SYNE1: variants seen among roughly 807,000 people sequenced by gnomAD.
SYNE1 encodes spectrin repeat containing nuclear envelope protein 1.
A neutral mutation model predicts 1,111.0 loss-of-function variants in SYNE1; 616 were observed. That is an observed-to-expected ratio of 0.55 (90% CI 0.52 to 0.59). The LOEUF is 0.59. SYNE1 is among the 20% of genes least tolerant of loss of function. SYNE1 has a pLI of 0.00. For synonymous variants in SYNE1, 3,855 were observed against 3,825.8 expected (o/e 1.01, Z -0.28); for missense variants, 10,006 against 10,417.0 (o/e 0.96, Z 1.72).
chr6:152,370,805 A>C (rs1468617857), intron 59 of SYNE1, among the ~76,000 whole-genome samples: 1 of 152,230 alleles, frequency 6.6e-6, no homozygotes, highest in African/African-American at 2.4e-5. Flanking sequence ...TTATGAGAGA[A>C]TAGTTCAAGG....
intron 128 of SYNE1, among the ~76,000 whole-genome samples, chr6:152,180,857 A>T (rs997916686): frequency 1.3e-5 from 2 of 152,096 alleles, no homozygotes; most frequent in Non-Finnish European, 2.9e-5. Context: ...CTCCATACTG[A>T]CACGTGGACT....
chr6:152,506,908 A>T (rs1246008356), intron 8 of SYNE1, among the ~76,000 whole-genome samples: 2 of 152,122 alleles, frequency 1.3e-5, no homozygotes, highest in Non-Finnish European at 2.9e-5. Flanking sequence ...ACAACTTATC[A>T]TTCACTTTAA....
At chr6:152,319,147 T>C (rs2095809628) in intron 84 of SYNE1, 132 bp from the exon 85 acceptor site, 6 of 1,288,212 alleles carry the variant, frequency 4.7e-6, no homozygotes, top group African/African-American at 1.5e-5. Flanking sequence ...ACACCAGCGA[T>C]GTGCGATTAG....
chr6:152,616,001 GT>G (rs1367495189), intron 3 of SYNE1, among the ~76,000 whole-genome samples: 2 of 152,160 alleles, frequency 1.3e-5, no homozygotes, highest in African/African-American at 4.8e-5. Flanking sequence ...TAGCATGAAT[GT>G]ATCCAGAAAT....
At chr6:152,450,487 C>G (rs1382592766) in intron 27 of SYNE1, 138 bp downstream of exon 27, 1 of 926,592 alleles carries the variant, frequency 1.1e-6, no homozygotes, top group Admixed American at 1.7e-5. Flanking sequence ...AAATCCATTC[C>G]TTTTATTAAA....
At chr6:152,198,373 T>C (rs2153333594) in intron 127 of SYNE1, among the ~76,000 whole-genome samples, 1 of 152,210 alleles carries the variant, frequency 6.6e-6, no homozygotes, top group East Asian at 1.9e-4. Context: ...GATCTTTTAT[T>C]CAGACCACTC....
chr6:152,548,895 T>C (rs568632123), intron 3 of SYNE1, among the ~76,000 whole-genome samples: 18 of 152,226 alleles, frequency 1.2e-4, no homozygotes, highest in Non-Finnish European at 2.5e-4. Context: ...CTTTATGTCA[T>C]CTGATTCTAG....
intron 59 of SYNE1, among the ~76,000 whole-genome samples, chr6:152,372,539 T>C (rs937386073): frequency 3.3e-5 from 5 of 152,244 alleles, no homozygotes; most frequent in African/African-American, 1.2e-4. Flanking sequence ...AATTATTTTA[T>C]GGTTATAATA....
intron 137 of SYNE1, chr6:152,144,961 T>C (rs541307373): frequency 1.8e-5 from 3 of 167,160 alleles, no homozygotes; most frequent in Non-Finnish European, 4.0e-5. Context: ...TTACGACCTC[T>C]TAAATTAAAA....
chr6:152,154,130 C>T (rs933316796), intron 133 of SYNE1, among the ~76,000 whole-genome samples: 1 of 152,112 alleles, frequency 6.6e-6, no homozygotes, highest in Non-Finnish European at 1.5e-5. Context: ...AAGGGAAAAA[C>T]ACCTTCAAAT....
chr6:152,490,902 C>T (rs1010489282), intron 11 of SYNE1, among the ~76,000 whole-genome samples: 1 of 152,198 alleles, frequency 6.6e-6, no homozygotes, highest in Non-Finnish European at 1.5e-5. Context: ...TCTTTTCACT[C>T]TCTTCTCCAG....
chr6:152,514,730 C>T (rs1324969204), intron 6 of SYNE1, among the ~76,000 whole-genome samples: 1 of 151,574 alleles, frequency 6.6e-6, no homozygotes, highest in East Asian at 1.9e-4. Context: ...AAATGTCATG[C>T]AAGGACGCAA....
intron 25 of SYNE1, among the ~76,000 whole-genome samples, chr6:152,451,751 G>T (rs1407458025): frequency 6.6e-6 from 1 of 151,906 alleles, no homozygotes; most frequent in Non-Finnish European, 1.5e-5. Flanking sequence ...AAAGTGCTGG[G>T]ATTATAGGCG....
At chr6:152,605,006 AAGAGAGAGAG>A (rs1166561188) in intron 3 of SYNE1, among the ~76,000 whole-genome samples, 3 of 25,590 alleles carry the variant, frequency 1.2e-4, no homozygotes, top group African/African-American at 3.8e-4. Context: ...GAAAGAAAGA[AAGAGAGAGAG>A]AGAGAGAGAG....
At chr6:152,173,412 G>A (rs545087978) in intron 130 of SYNE1, among the ~76,000 whole-genome samples, 72 of 152,320 alleles carry the variant, frequency 4.7e-4, no homozygotes, top group African/African-American at 1.6e-3. Flanking sequence ...ATACAGGACA[G>A]AAATGTCGAA....
chr6:152,442,126 G>A lies in SYNE1; in HGVS notation c.3957C>T (p.Ser1319=), dbSNP rs1272204034. The change falls in exon 31 of 146, where the codon AGC becomes AGT. Residue 1319 remains serine (S), a synonymous_variant. Coordinates refer to ENST00000367255, the MANE Select transcript of SYNE1 (RefSeq NM_182961.4). ...RGHEELRKLE[S]TLDGLERSRE... ...GGCTGCGCTCCAGGCCATCCAGTGT[G>A]CTCTCCAGCTTCCGCAGCTCCTCGT... The A allele has an allele frequency of 6.2e-7, 1 of 1,613,944 alleles. No individual in the cohort carries two copies. The highest frequency in any genetic ancestry group is 1.3e-5 in the African/African-American group (1 of 74,944).
intron 137 of SYNE1, 122 bp from the exon 138 acceptor site, chr6:152,143,887 G>A: frequency 6.9e-7 from 1 of 1,445,216 alleles, no homozygotes; most frequent in Non-Finnish European, 9.6e-7. Context: ...GCAGGTGTGG[G>A]TAATTACAAA....
chr6:152,178,313 C>T (rs1262749411), intron 129 of SYNE1, among the ~76,000 whole-genome samples: 1 of 152,102 alleles, frequency 6.6e-6, no homozygotes, highest in Non-Finnish European at 1.5e-5. Context: ...ACTCTACTAC[C>T]TATAGTGCAT....
chr6:152,203,891 A>G (rs1190331104), intron 126 of SYNE1, among the ~76,000 whole-genome samples: 1 of 152,184 alleles, frequency 6.6e-6, no homozygotes, highest in African/African-American at 2.4e-5. Context: ...GAGTTGTTCA[A>G]ATTCTCCTTT....
Sources: gnomAD v4.1 joint callset for allele counts (sites outside exome capture counted in the v4.1 genomes callset) on GRCh38, gnomAD v4.1.1 for gene constraint, MANE v1.5 for transcripts, NCBI Gene and HGNC (gene_info 2026-07-23, HGNC 2026-07-21) for gene names.